Variants in ZIM2 observed in about 807,000 individuals in gnomAD.
ZIM2 encodes zinc finger protein 656.
A neutral mutation model predicts 38.6 loss-of-function variants in ZIM2; 14 were observed. The ratio of observed to expected loss-of-function variants is 0.36; its 90% confidence interval spans 0.24 to 0.57. ZIM2 has a LOEUF of 0.57. ZIM2 is among the 20% of genes least tolerant of loss of function. The pLI, the probability that ZIM2 is intolerant of heterozygous loss-of-function variation, is 0.81. For missense variants in ZIM2, 680 were observed against 695.1 expected (o/e 0.98, Z 0.24); for synonymous variants, 247 against 245.8 (o/e 1.00, Z -0.04).
intron 9 of ZIM2, among the ~76,000 whole-genome samples, chr19:56,804,168 C>T (rs2047654113): frequency 6.6e-6 from 1 of 152,190 alleles, no homozygotes; most frequent in South Asian, 2.1e-4. Context: ...TGGTCCAGTT[C>T]CAAGGTAGAT....
chr19:56,822,643 T>C, intron 6 of ZIM2, 110 bp downstream of exon 6: 10 of 1,449,462 alleles, frequency 6.9e-6, no homozygotes, highest in Non-Finnish European at 9.4e-6. Flanking sequence ...AAGCGGAATA[T>C]ACTCCAAATG....
At chr19:56,797,029 C>A (rs373836935) in intron 9 of ZIM2, among the ~76,000 whole-genome samples, 2 of 150,510 alleles carry the variant, frequency 1.3e-5, no homozygotes, top group African/African-American at 4.9e-5. Flanking sequence ...CACGGTGGCT[C>A]AGCCAGGCTT....
At position 56,827,870 on chromosome 19, in the gene ZIM2, T is replaced by C. The variant is rs796571421; in HGVS notation, c.-226-1407A>G. The stretch of plus-strand genomic sequence containing the variant: ...CTAAAAAAAGATGTGCTTAGACAGA[T>C]GATTTCTAGAAGGATATATAAGAGA... On this transcript the variant is annotated intron_variant, in intron 2 of 12. Coordinates refer to ENST00000629319, the MANE Select transcript of ZIM2 (RefSeq NM_001387356.1). 1.3e-4 allele frequency among the ~76,000 whole-genome samples: 20 copies of C among 152,332 alleles called. 1 individual carries two copies. Among genetic ancestry groups the C allele is most frequent in the African/African-American group, 4.1e-4 (17 of 41,576 alleles).
chr19:56,818,502 A>T, intron 8 of ZIM2, 98 bp downstream of exon 8: 1 of 1,242,900 alleles, frequency 8.0e-7, no homozygotes, highest in Non-Finnish European at 1.1e-6. Flanking sequence ...AAGTCCAAAT[A>T]TATTAATGTG....
intron 9 of ZIM2, chr19:56,815,286 G>T: frequency 1.2e-6 from 2 of 1,614,240 alleles, no homozygotes. Flanking sequence ...CTTGGTCATA[G>T]ATTTTCTGGT....
At chr19:56,811,778 A>G (rs946779936) in intron 9 of ZIM2, 1 of 985,312 alleles carries the variant, frequency 1.0e-6, no homozygotes, top group Admixed American at 6.2e-5. Context: ...ACACCATACC[A>G]TCAAAAACTC....
At chr19:56,824,876 A>G (rs2060870398) in intron 3 of ZIM2, 3 of 529,520 alleles carry the variant, frequency 5.7e-6, no homozygotes, top group Non-Finnish European at 6.8e-6. Flanking sequence ...AACCGCACAA[A>G]GTTGGCCTCA....
chr19:56,815,002 G>A lies in ZIM2; in HGVS notation c.490+2744C>T, dbSNP rs149202084. On this transcript the variant is annotated intron_variant, in intron 9 of 12. Coordinates refer to ENST00000629319, the MANE Select transcript of ZIM2 (RefSeq NM_001387356.1). ...TCTCTGATACTCGCTGATGGAATGGGTGTGAATTACAGAATGTGTGTACTC... is the reference window on the plus strand; with the variant it reads ...TCTCTGATACTCGCTGATGGAATGGATGTGAATTACAGAATGTGTGTACTC... The A allele has an allele frequency of 2.2e-5, 36 of 1,614,162 alleles. No homozygotes were observed. The African/African-American group carries it at 3.6e-4, about 16-fold the overall frequency.
rs376020685 is a variant in ZIM2 at position 56,824,336 on chromosome 19, C to G, written c.-59G>C. ...CTCACAGTTCTCCGGCTTTTTTGCTCGCACCCAAGGCTTGAGCTTTTCAGG... is the reference window on the plus strand; with the variant it reads ...CTCACAGTTCTCCGGCTTTTTTGCTGGCACCCAAGGCTTGAGCTTTTCAGG... On this transcript the variant is annotated 5_prime_UTR_variant, in exon 4 of 13. Transcript: ENST00000629319. 1.2e-6 allele frequency: 2 copies of G among 1,614,030 alleles called. No individual in the cohort carries two copies. The highest frequency in any genetic ancestry group is 1.7e-6 in the Non-Finnish European group (2 of 1,180,008).
intron 12 of ZIM2, among the ~76,000 whole-genome samples, chr19:56,777,432 C>G (rs1174534799): frequency 6.6e-6 from 1 of 152,198 alleles, no homozygotes; most frequent in African/African-American, 2.4e-5. Flanking sequence ...CAACCACGGC[C>G]TCAGCCTCCA....
Position 56,814,760 on chromosome 19 carries a change from G to A in ZIM2, c.490+2986C>T. 6.2e-7 allele frequency: 1 copy of A among 1,614,112 alleles called. No homozygotes were observed. The highest frequency in any genetic ancestry group is 8.5e-7 in the Non-Finnish European group (1 of 1,180,044). On this transcript the variant is annotated intron_variant, in intron 9 of 12. Coordinates refer to ENST00000629319, the MANE Select transcript of ZIM2 (RefSeq NM_001387356.1). This position sits in a 1 kb window ranked among gnomAD's most constrained non-coding sequence, Gnocchi z 5.8. ...TGAATGAAGCCTTGTCCACACAAAA[G>A]GCATCGAATGGCCGACCCAGCAAGA...
rs796319011 is a variant in ZIM2 at position 56,810,476 on chromosome 19, C to A, written c.490+7270G>T. 2.1e-5 allele frequency: 21 copies of A among 984,974 alleles called. 1 individual carries two copies. The African/African-American group carries it at 3.1e-4, about 15-fold the overall frequency. 61.0% of individuals were successfully genotyped at this position (984,974 alleles called of 1,614,324 possible). ...ACACCCTAATAATCACAGACTAGTG[C>A]ACAGATCAAGATGTTAACAGTTAAT... On this transcript the variant is annotated intron_variant, in intron 9 of 12. Transcript: ENST00000629319.
In ZIM2 at chr19:56,824,367, T is replaced by C. The variant is rs77911168; in HGVS notation, c.-90A>G. 8.9e-5 allele frequency: 144 copies of C among 1,614,178 alleles called. No individual in the cohort carries two copies. The East Asian group carries it at 3.1e-3, about 35-fold the overall frequency. The stretch of plus-strand genomic sequence containing the variant: ...CAAGGCTTGAGCTTTTCAGGGATGA[T>C]GGTCAGGTACTGCTCAAGGACCAAG... On this transcript the variant is annotated 5_prime_UTR_variant, in exon 4 of 13. Transcript: ENST00000629319.
intron 2 of ZIM2, among the ~76,000 whole-genome samples, chr19:56,835,152 G>A (rs2061961409): frequency 6.6e-6 from 1 of 152,000 alleles, no homozygotes; most frequent in Non-Finnish European, 1.5e-5. Context: ...GCCCAAGTTG[G>A]TCTCCCCACA....
At chr19:56,813,764 C>A (rs1568611107) in intron 9 of ZIM2, 1 of 1,614,162 alleles carries the variant, frequency 6.2e-7, no homozygotes, top group Non-Finnish European at 8.5e-7. Flanking sequence ...TACTTCTCAT[C>A]AGCTTGATTG....
intron 2 of ZIM2, among the ~76,000 whole-genome samples, chr19:56,834,094 A>T (rs1484675703): frequency 6.6e-6 from 1 of 152,238 alleles, no homozygotes; most frequent in Non-Finnish European, 1.5e-5. Context: ...TTAAAGAGAC[A>T]AAATGTCTTC....
Position 56,804,764 on chromosome 19 carries a change from T to C in ZIM2, c.490+12982A>G, listed in dbSNP as rs138411192. Among the ~76,000 whole-genome samples the C allele has an allele frequency of 2.6e-4, 40 of 152,322 alleles. No individual in the cohort carries two copies. The East Asian group carries it at 6.6e-3, about 25-fold the overall frequency. Reference sequence around the variant, plus strand: ...AGTTATGTTACAAACATTTGTAAAATAGGCATGTTCCAAGAATGGTACAAG... The same window carrying C: ...AGTTATGTTACAAACATTTGTAAAACAGGCATGTTCCAAGAATGGTACAAG... On this transcript the variant is annotated intron_variant, in intron 9 of 12. Coordinates refer to ENST00000629319, the MANE Select transcript of ZIM2 (RefSeq NM_001387356.1).
chr19:56,782,660 G>A (rs1056853573), intron 10 of ZIM2, among the ~76,000 whole-genome samples: 1 of 152,118 alleles, frequency 6.6e-6, no homozygotes, highest in Admixed American at 6.6e-5. Context: ...ATCCACTGGC[G>A]ATGCTAAGGG....
At chr19:56,817,555 T>C (rs1366500278) in intron 9 of ZIM2, 191 bp downstream of exon 9, 2 of 1,595,020 alleles carry the variant, frequency 1.3e-6, no homozygotes, top group African/African-American at 2.7e-5. Flanking sequence ...GGTTGATTTT[T>C]TGGCTTCAGG....
Sources: gnomAD v4.1 joint callset for allele counts (sites outside exome capture counted in the v4.1 genomes callset) on GRCh38, gnomAD v4.1.1 for gene constraint, Gnocchi (gnomAD v3.1) non-coding constraint, MANE v1.5 for transcripts, NCBI Gene and HGNC (gene_info 2026-07-23, HGNC 2026-07-21) for gene names.